Variants in WDFY4 observed in about 807,000 individuals in gnomAD.
The protein encoded by WDFY4 is WDFY family member 4.
WDFY4 carries 169 observed loss-of-function variants against 351.9 expected under a neutral mutation model. The observed-to-expected ratio is 0.48, with a 90% CI of 0.42 to 0.55. The LOEUF (loss-of-function observed/expected upper bound fraction) is 0.55. Ranked by LOEUF, WDFY4 falls within the 20% of genes least tolerant of loss-of-function variation. WDFY4 has a pLI of 0.00. For synonymous variants in WDFY4, 1,622 were observed against 1,574.6 expected (o/e 1.03, Z -0.71); for missense variants, 3,803 against 3,935.6 (o/e 0.97, Z 0.90).
intron 1 of WDFY4, among the ~76,000 whole-genome samples, chr10:48,698,619 G>A (rs1035888602): frequency 6.6e-6 from 1 of 152,240 alleles, no homozygotes; most frequent in African/African-American, 2.4e-5. Context: ...GATTGAAGGT[G>A]TGGGGTTTAT....
rs41283293 is a variant in WDFY4, at chr10:48,913,813, C to T, written c.7586+11950C>T. ...ATGTTCTTGAGTTGCTTCAGCTCCA[C>T]GGGCAGCCCGTTGCTGGTCAGCCGG... On this transcript the variant is annotated intron_variant, in intron 47 of 61. Coordinates refer to ENST00000325239, the MANE Select transcript of WDFY4 (RefSeq NM_001394531.1). The T allele has an allele frequency of 4.7e-5, 76 of 1,614,074 alleles. No individual in the cohort carries two copies. In the Middle Eastern group the frequency reaches 4.9e-4, roughly 11 times the overall value.
intron 47 of WDFY4, among the ~76,000 whole-genome samples, chr10:48,906,368 A>G (rs1746757663): frequency 6.6e-6 from 1 of 152,118 alleles, no homozygotes; most frequent in African/African-American, 2.4e-5. Flanking sequence ...TTGCCTCCAT[A>G]ACTATATATA....
intron 11 of WDFY4, among the ~76,000 whole-genome samples, chr10:48,740,133 T>C (rs1328054428): frequency 6.6e-6 from 1 of 152,228 alleles, no homozygotes; most frequent in Non-Finnish European, 1.5e-5. Context: ...CTTAGAGCCA[T>C]TGAAAGCACT....
chr10:48,979,980 G>A (rs1427496993), intron 60 of WDFY4: 1 of 152,124 alleles, frequency 6.6e-6, no homozygotes, highest in Admixed American at 6.5e-5. Flanking sequence ...TGCAGGCTTT[G>A]AGAGATTTTT....
intron 36 of WDFY4, among the ~76,000 whole-genome samples, chr10:48,827,397 A>T (rs997789882): frequency 6.6e-6 from 1 of 151,458 alleles, no homozygotes; most frequent in African/African-American, 2.4e-5. Context: ...AAAGCTATTA[A>T]ATTAAGCTTA....
intron 43 of WDFY4, among the ~76,000 whole-genome samples, chr10:48,887,561 G>A (rs980828846): frequency 7.2e-5 from 11 of 152,154 alleles, no homozygotes; most frequent in African/African-American, 2.7e-4. Context: ...GGCGGATCAC[G>A]AGGTCAGGAG....
At chr10:48,861,166 C>A (rs1302864478) in intron 39 of WDFY4, among the ~76,000 whole-genome samples, 2 of 152,134 alleles carry the variant, frequency 1.3e-5, no homozygotes, top group Non-Finnish European at 2.9e-5. Context: ...CGTTTAAAAT[C>A]ACACAGTGTT....
chr10:48,906,326 C>T (rs944606793), intron 47 of WDFY4, among the ~76,000 whole-genome samples: 1 of 136,766 alleles, frequency 7.3e-6, no homozygotes, highest in Non-Finnish European at 1.5e-5. Context: ...GCTTTTGGTA[C>T]CAGAGTTTGC....
chr10:48,955,557 G>A (rs2133816576), intron 51 of WDFY4, among the ~76,000 whole-genome samples: 1 of 152,350 alleles, frequency 6.6e-6, no homozygotes, highest in Admixed American at 6.5e-5. Context: ...CACGCCCTGT[G>A]GAGTTGCATC....
intron 47 of WDFY4, among the ~76,000 whole-genome samples, chr10:48,927,191 G>A (rs532969173): frequency 9.9e-5 from 15 of 152,236 alleles, no homozygotes; most frequent in African/African-American, 3.4e-4. Context: ...AACAGCAGCC[G>A]TCTCTATGTG....
intron 47 of WDFY4, 132 bp downstream of exon 47, chr10:48,901,995 A>C (rs887823703): frequency 1.0e-5 from 8 of 794,488 alleles, no homozygotes; most frequent in Admixed American, 4.3e-5. Flanking sequence ...TCTCTCTCCT[A>C]TTCCTATACA....
intron 47 of WDFY4, among the ~76,000 whole-genome samples, chr10:48,929,938 T>G (rs1233166210): frequency 1.3e-5 from 2 of 152,022 alleles, no homozygotes; most frequent in Admixed American, 6.5e-5. Context: ...TTCTCTGCAC[T>G]TCTCCTCCAA....
chr10:48,781,890 A>T (rs1001802919), intron 19 of WDFY4, among the ~76,000 whole-genome samples: 2 of 152,266 alleles, frequency 1.3e-5, no homozygotes, highest in African/African-American at 4.8e-5. Flanking sequence ...CTCCAGGAAC[A>T]TACATATAGT....
intron 47 of WDFY4, among the ~76,000 whole-genome samples, chr10:48,922,953 T>C (rs968736509): frequency 2.0e-5 from 3 of 152,236 alleles, no homozygotes; most frequent in Non-Finnish European, 4.4e-5. Context: ...GCCTGCACCC[T>C]GACAGTGATG....
rs1182577481 is a variant in WDFY4 at position 48,982,576 on chromosome 10, G to T, written c.*1G>T. ...ATTCTGCTGGTCTGCAGATGGGTAGGAAGAGAGAGGCAGCAGAGGCTCTGG... is the reference window on the plus strand; with the variant it reads ...ATTCTGCTGGTCTGCAGATGGGTAGTAAGAGAGAGGCAGCAGAGGCTCTGG... On this transcript the variant is annotated 3_prime_UTR_variant, in exon 62 of 62. Coordinates refer to ENST00000325239, the MANE Select transcript of WDFY4 (RefSeq NM_001394531.1). 5 of 1,549,784 alleles carry T rather than the reference G, an allele frequency of 3.2e-6. No individual in the cohort carries two copies. In the East Asian group the frequency reaches 1.2e-4, roughly 38 times the overall value.
intron 54 of WDFY4, among the ~76,000 whole-genome samples, chr10:48,965,635 C>T (rs1842040343): frequency 6.6e-6 from 1 of 152,176 alleles, no homozygotes; most frequent in Non-Finnish European, 1.5e-5. Context: ...GGACCAGCTT[C>T]CACCTCTTCT....
At chr10:48,801,967 G>A (rs766966262) in intron 24 of WDFY4, among the ~76,000 whole-genome samples, 6 of 152,054 alleles carry the variant, frequency 3.9e-5, no homozygotes, top group Non-Finnish European at 2.9e-5. Context: ...GCAAGGGAAT[G>A]GGCTTCGTAG....
rs373353395 is a variant in WDFY4 at position 48,839,287 on chromosome 10, T to C, written c.6663+6578T>C. Among the ~76,000 whole-genome samples, 28 of 152,346 alleles carry C rather than the reference T, an allele frequency of 1.8e-4. No individual in the cohort carries two copies. In the East Asian group the frequency reaches 4.8e-3, roughly 26 times the overall value. On this transcript the variant is annotated intron_variant, in intron 39 of 61. Transcript: ENST00000325239. The stretch of plus-strand genomic sequence containing the variant: ...GTCAGAATTCTCAGAGAAATTCTTC[T>C]GAAAAAGAGTTAAAGATCTTTAAAA...
chr10:48,956,498 T>C (rs749508176), intron 51 of WDFY4, among the ~76,000 whole-genome samples: 1 of 152,082 alleles, frequency 6.6e-6, no homozygotes, highest in Non-Finnish European at 1.5e-5. Flanking sequence ...CGAGCTCTCC[T>C]CCCTCCTCCC....
Sources: gnomAD v4.1 joint callset for allele counts (sites outside exome capture counted in the v4.1 genomes callset) on GRCh38, gnomAD v4.1.1 for gene constraint, MANE v1.5 for transcripts, NCBI Gene and HGNC (gene_info 2026-07-23, HGNC 2026-07-21) for gene names.